Variants in STAG1 observed in about 807,000 individuals in gnomAD.
The protein encoded by STAG1 is STAG1 cohesin complex component, also known as cohesin subunit SA-1.
Under a neutral mutation model 170.9 loss-of-function variants are expected in STAG1, and 26 were observed. That is an observed-to-expected ratio of 0.15 (90% confidence interval 0.11 to 0.21). STAG1 has a LOEUF of 0.21. STAG1 is among the 10% of genes least tolerant of loss of function. The probability of loss-of-function intolerance (pLI) is 1.00; values close to 1 mark genes in which losing one functional copy is unlikely to be tolerated. For missense variants in STAG1, 964 were observed against 1,509.5 expected, an observed-to-expected ratio of 0.64 and a Z score of 5.99; for synonymous variants, 514 against 497.7, an observed-to-expected ratio of 1.03 and a Z score of -0.44.
intron 13 of STAG1, among the ~76,000 whole-genome samples, chr3:136,455,171 T>G (rs376338624): frequency 6.6e-6 from 1 of 152,176 alleles, no homozygotes; most frequent in Non-Finnish European, 1.5e-5. Flanking sequence ...TTTTTTGGTG[T>G]TGTGATATCA....
intron 10 of STAG1, among the ~76,000 whole-genome samples, chr3:136,474,408 A>G (rs186045732): frequency 6.6e-6 from 1 of 152,308 alleles, no homozygotes; most frequent in Non-Finnish European, 1.5e-5. Context: ...GTATATTATT[A>G]ATCACCCTGA....
At chr3:136,575,764 C>T (rs542569406) in intron 4 of STAG1, among the ~76,000 whole-genome samples, 2 of 151,162 alleles carry the variant, frequency 1.3e-5, no homozygotes, top group South Asian at 4.2e-4. Flanking sequence ...GACAGCATTT[C>T]ATGGGAAATT....
At chr3:136,339,311 TCAAGA>T (rs1935843064) in intron 32 of STAG1, among the ~76,000 whole-genome samples, 1 of 152,042 alleles carries the variant, frequency 6.6e-6, no homozygotes, top group Non-Finnish European at 1.5e-5. Context: ...GATCACGAGG[TCAAGA>T]GATCAAGACC....
chr3:136,743,338 A>G (rs968660094), intron 1 of STAG1, among the ~76,000 whole-genome samples: 3 of 151,934 alleles, frequency 2.0e-5, no homozygotes, highest in African/African-American at 7.3e-5. Context: ...ACTGCACTCC[A>G]GCCTGGGCAA....
chr3:136,732,573 A>G (rs1934102667), intron 1 of STAG1, among the ~76,000 whole-genome samples: 1 of 152,154 alleles, frequency 6.6e-6, no homozygotes, highest in East Asian at 1.9e-4. Flanking sequence ...TCATCTCTCA[A>G]TTAACCAGAG....
intron 1 of STAG1, among the ~76,000 whole-genome samples, chr3:136,724,860 C>A (rs1386627649): frequency 1.3e-5 from 2 of 152,010 alleles, no homozygotes; most frequent in Non-Finnish European, 2.9e-5. Flanking sequence ...TGGGACAGAA[C>A]AGTAATACCA....
intron 1 of STAG1, chr3:136,736,721 T>C: frequency 6.2e-7 from 1 of 1,603,170 alleles, no homozygotes. Context: ...TTCTCTCTCT[T>C]TCCTTTTAAT....
At position 136,503,419 on chromosome 3, in the gene STAG1, A is replaced by T. The variant is rs533268349; in HGVS notation, c.677-640T>A. On this transcript the variant is annotated intron_variant, in intron 7 of 33. Coordinates refer to ENST00000383202, the MANE Select transcript of STAG1 (RefSeq NM_005862.3). ...TTTAAACGTTCACTTGTATTTGTAA[A>T]TCTTATTAAACACTTTCAAATTTGT... Among the ~76,000 whole-genome samples the T allele has an allele frequency of 1.8e-3, 277 of 152,294 alleles. 1 individual carries two copies. Among genetic ancestry groups the T allele is most frequent in the African/African-American group, 5.7e-3 (235 of 41,554 alleles).
chr3:136,610,425 C>A (rs955728223), intron 3 of STAG1, among the ~76,000 whole-genome samples: 2 of 152,158 alleles, frequency 1.3e-5, no homozygotes, highest in Non-Finnish European at 2.9e-5. Context: ...ACTCTAACAT[C>A]TTTGGTTGTG....
chr3:136,338,298 A>G (rs777079352), intron 33 of STAG1, 21 bp from the exon 34 acceptor site: 4 of 1,601,010 alleles, frequency 2.5e-6, no homozygotes, highest in East Asian at 2.2e-5. Flanking sequence ...GATGAGAAAC[A>G]TAATTATTAA....
At chr3:136,583,947 A>AT (rs1039943395) in intron 4 of STAG1, among the ~76,000 whole-genome samples, 1 of 152,194 alleles carries the variant, frequency 6.6e-6, no homozygotes, top group East Asian at 1.9e-4. Flanking sequence ...TCCTCATAGT[A>AT]TTTTCCCCAC....
At chr3:136,430,493 C>T (rs2088265210) in intron 16 of STAG1, among the ~76,000 whole-genome samples, 1 of 151,826 alleles carries the variant, frequency 6.6e-6, no homozygotes, top group Admixed American at 6.6e-5. Flanking sequence ...GTTATAATCT[C>T]AACACTATAG....
chr3:136,597,391 C>A (rs1938478361), intron 4 of STAG1, among the ~76,000 whole-genome samples: 1 of 152,196 alleles, frequency 6.6e-6, no homozygotes, highest in African/African-American at 2.4e-5. Flanking sequence ...CCAAAATAGT[C>A]TCCAAAGGAG....
In STAG1 at chr3:136,455,929, T is replaced by C. The variant is rs67230667; in HGVS notation, c.1314-3782A>G. On this transcript the variant is annotated intron_variant, in intron 13 of 33. Transcript: ENST00000383202. ...TCACCAGACTGAGAAAGAACAGAAG[T>C]GCAGTGACTTGGTTCTGGAATACTG... Among the ~76,000 whole-genome samples, 318 of 152,218 alleles carry C rather than the reference T, an allele frequency of 2.1e-3. 6 individuals carry two copies. The highest frequency in any genetic ancestry group is 0.015 in the Admixed American group (223 of 15,292).
chr3:136,522,409 G>T (rs748449521), intron 6 of STAG1, among the ~76,000 whole-genome samples: 2 of 152,144 alleles, frequency 1.3e-5, no homozygotes, highest in Non-Finnish European at 2.9e-5. Context: ...ACATGACGGG[G>T]AGTGTGAGTG....
chr3:136,474,375 ATTAGC>A (rs1366030498), intron 10 of STAG1, among the ~76,000 whole-genome samples: 1 of 152,240 alleles, frequency 6.6e-6, no homozygotes, highest in African/African-American at 2.4e-5. Flanking sequence ...TATATAATTT[ATTAGC>A]TACATGCAAG....
At chr3:136,728,143 T>C (rs1322137868) in intron 1 of STAG1, among the ~76,000 whole-genome samples, 1 of 151,444 alleles carries the variant, frequency 6.6e-6, no homozygotes, top group Non-Finnish European at 1.5e-5. Flanking sequence ...GGGCAACAAG[T>C]GCGAAAGCCC....
chr3:136,428,504 T>G (rs2088199623), intron 16 of STAG1, among the ~76,000 whole-genome samples: 1 of 152,100 alleles, frequency 6.6e-6, no homozygotes, highest in Non-Finnish European at 1.5e-5. Context: ...ACACAGTATC[T>G]CTAAATCAGC....
At chr3:136,590,520 C>G (rs369068199) in intron 4 of STAG1, among the ~76,000 whole-genome samples, 1 of 150,342 alleles carries the variant, frequency 6.7e-6, no homozygotes, top group African/African-American at 2.4e-5. Context: ...AAAACAAAAA[C>G]AAAAAAACTA....
Sources: allele counts gnomAD v4.1 joint callset (sites outside exome capture counted in the v4.1 genomes callset), GRCh38; gene constraint gnomAD v4.1.1; transcripts MANE v1.5; gene names NCBI Gene and HGNC (gene_info 2026-07-23, HGNC 2026-07-21).